The following NBEA variants were observed in gnomAD, a reference collection of about 807,000 sequenced individuals.
NBEA encodes the protein neurobeachin, also known as lysosomal-trafficking regulator 2.
In NBEA, 44 loss-of-function variants were observed where a neutral mutation model predicts 343.4. The ratio of observed to expected loss-of-function variants is 0.13; its 90% CI spans 0.10 to 0.16. The LOEUF is 0.16. Ranked by LOEUF, NBEA falls within the 10% of genes least tolerant of loss-of-function variation. The pLI, the probability that NBEA is intolerant of heterozygous loss-of-function variation, is 1.00. For missense variants in NBEA, 2,555 were observed against 3,631.3 expected (o/e 0.70, Z 7.62); for synonymous variants, 1,175 against 1,238.7 (o/e 0.95, Z 1.08).
At chr13:35,663,233 A>G (rs143224892) in intron 55 of NBEA, among the ~76,000 whole-genome samples, 164 of 152,268 alleles carry the variant, frequency 1.1e-3, no homozygotes, top group African/African-American at 3.8e-3. Flanking sequence ...AACTTTATCT[A>G]TCTAACTGTA....
intron 1 of NBEA, among the ~76,000 whole-genome samples, chr13:35,038,403 T>A (rs1268813967): frequency 6.6e-6 from 1 of 152,084 alleles, no homozygotes; most frequent in Non-Finnish European, 1.5e-5. Flanking sequence ...CAAAGTCCCC[T>A]TTACTCTTCT....
chr13:35,527,714 G>A (rs546195842), intron 41 of NBEA, among the ~76,000 whole-genome samples: 2 of 152,316 alleles, frequency 1.3e-5, no homozygotes, highest in African/African-American at 2.4e-5. Flanking sequence ...CTGAGCCTGC[G>A]GGAGCTAGGG....
chr13:35,303,134 A>G (rs1025301301), intron 35 of NBEA, among the ~76,000 whole-genome samples: 2 of 152,152 alleles, frequency 1.3e-5, no homozygotes, highest in Admixed American at 6.5e-5. Flanking sequence ...TCTTCTTTAC[A>G]TTAAAAAAAT....
intron 34 of NBEA, among the ~76,000 whole-genome samples, chr13:35,268,104 A>G (rs2033837678): frequency 6.6e-6 from 1 of 152,068 alleles, no homozygotes; most frequent in South Asian, 2.1e-4. Flanking sequence ...CATTGAAATA[A>G]CCTGGGTGTC....
At chr13:35,512,045 G>T (rs2077297196) in intron 41 of NBEA, among the ~76,000 whole-genome samples, 1 of 152,170 alleles carries the variant, frequency 6.6e-6, no homozygotes, top group Admixed American at 6.5e-5. Flanking sequence ...TTTGAAGATA[G>T]ATATTCTATT....
At chr13:35,123,461 G>A in intron 16 of NBEA, 21 bp from the exon 17 acceptor site, 1 of 1,371,516 alleles carries the variant, frequency 7.3e-7, no homozygotes, top group Non-Finnish European at 9.7e-7. Context: ...GTTTTTAAAA[G>A]ATAATTTATA....
At chr13:35,391,287 A>AAAG (rs538915476) in intron 38 of NBEA, among the ~76,000 whole-genome samples, 3 of 151,748 alleles carry the variant, frequency 2.0e-5, no homozygotes, top group African/African-American at 4.8e-5. Context: ...AAAAAAAAAA[A>AAAG]AAGAAGAAGA....
chr13:35,517,099 G>C (rs993989707), intron 41 of NBEA, among the ~76,000 whole-genome samples: 3 of 152,032 alleles, frequency 2.0e-5, no homozygotes, highest in African/African-American at 4.8e-5. Flanking sequence ...TCTGTATTCA[G>C]TGGCCTTTTT....
chr13:35,066,489 A>G (rs1407062996), intron 8 of NBEA, among the ~76,000 whole-genome samples: 1 of 152,052 alleles, frequency 6.6e-6, no homozygotes, highest in African/African-American at 2.4e-5. Flanking sequence ...GGGTGCACAT[A>G]TGTTTACAAT....
At chr13:34,953,756 T>C (rs1040597703) in intron 1 of NBEA, among the ~76,000 whole-genome samples, 3 of 152,202 alleles carry the variant, frequency 2.0e-5, no homozygotes, top group Non-Finnish European at 4.4e-5. Context: ...CATTATTCTC[T>C]AAACCAGGGG....
chr13:35,576,487 A>G (rs908761891), intron 45 of NBEA, among the ~76,000 whole-genome samples: 1 of 152,142 alleles, frequency 6.6e-6, no homozygotes, highest in Non-Finnish European at 1.5e-5. Flanking sequence ...ACTATAGTTA[A>G]TTTAAATTTA....
In NBEA at chr13:35,476,310, T is replaced by C. The variant is rs997735053; in HGVS notation, c.6585+3774T>C. On this transcript the variant is annotated intron_variant, in intron 41 of 58. Transcript: ENST00000379939. ...GCGTTGGTTTCCCTGCTGCTGCTGC[T>C]GCTGCTGCTGCTGCTGCTGCTGCTG... The C allele has an allele frequency of 3.7e-5, 25 of 669,696 alleles. No individual in the cohort carries two copies. In the African/African-American group the frequency reaches 6.2e-4, roughly 17 times the overall value. The allele number at this position is 669,696 out of a possible 1,614,324, so 41.5% of individuals were successfully genotyped here.
chr13:35,370,211 G>T (rs2152882673), intron 38 of NBEA, among the ~76,000 whole-genome samples: 1 of 151,876 alleles, frequency 6.6e-6, no homozygotes, highest in South Asian at 2.1e-4. Flanking sequence ...ATATATCTAG[G>T]TGCTCCTGTG....
chr13:35,281,044 A>G (rs2035018290), intron 34 of NBEA, among the ~76,000 whole-genome samples: 1 of 152,182 alleles, frequency 6.6e-6, no homozygotes, highest in Admixed American at 6.5e-5. Context: ...GACTCTTAAG[A>G]TCTCACCATG....
At chr13:35,582,179 G>C (rs956935032) in intron 45 of NBEA, among the ~76,000 whole-genome samples, 12 of 152,008 alleles carry the variant, frequency 7.9e-5, no homozygotes, top group Non-Finnish European at 1.5e-4. Context: ...GCAGCTACTC[G>C]GGAGGCTGAG....
chr13:35,520,879 T>C (rs2077679540), intron 41 of NBEA, among the ~76,000 whole-genome samples: 1 of 152,216 alleles, frequency 6.6e-6, no homozygotes, highest in African/African-American at 2.4e-5. Flanking sequence ...TATGACATAC[T>C]ATAAATGAAA....
chr13:35,232,993 A>G (rs1353852474), intron 34 of NBEA, among the ~76,000 whole-genome samples: 1 of 152,100 alleles, frequency 6.6e-6, no homozygotes, highest in Non-Finnish European at 1.5e-5. Context: ...GATTTTTCTT[A>G]TTCACATAAC....
chr13:34,955,788 CTTTTG>C (rs1220753820), intron 1 of NBEA, among the ~76,000 whole-genome samples: 2 of 152,060 alleles, frequency 1.3e-5, no homozygotes, highest in Non-Finnish European at 2.9e-5. Context: ...GAGGGTCAGC[CTTTTG>C]TTCTGTTTAG....
intron 44 of NBEA, among the ~76,000 whole-genome samples, chr13:35,559,009 T>G (rs1197735792): frequency 1.3e-5 from 2 of 152,228 alleles, no homozygotes; most frequent in Non-Finnish European, 2.9e-5. Context: ...AAAAAAATTA[T>G]GAATATGAAT....
Sources: allele counts gnomAD v4.1 joint callset (sites outside exome capture counted in the v4.1 genomes callset), GRCh38; gene constraint gnomAD v4.1.1; transcripts MANE v1.5; gene names NCBI Gene and HGNC (gene_info 2026-07-23, HGNC 2026-07-21).